Variants in CNNM2 observed in about 807,000 individuals in gnomAD.
CNNM2 encodes cyclin and CBS domain divalent metal cation transport mediator 2, also known as metal transporter CNNM2.
CNNM2 carries 12 observed loss-of-function variants against 66.9 expected under a neutral mutation model. The ratio of observed to expected loss-of-function variants is 0.18; its 90% CI spans 0.11 to 0.29. The LOEUF (loss-of-function observed/expected upper bound fraction) is 0.29, where lower values mean the gene tolerates loss of function less well. CNNM2 is among the 10% of genes least tolerant of loss of function. CNNM2 has a pLI of 1.00. For missense variants in CNNM2, 705 were observed against 1,167.7 expected (o/e 0.60, Z 5.77); for synonymous variants, 557 against 501.8 (o/e 1.11, Z -1.47).
intron 1 of CNNM2, among the ~76,000 whole-genome samples, chr10:103,034,430 C>G (rs2064891100): frequency 6.6e-6 from 1 of 152,008 alleles, no homozygotes; most frequent in Non-Finnish European, 1.5e-5. Context: ...GTGACTGCAG[C>G]AAATGTACGG....
chr10:102,927,185 A>G (rs1455234622), intron 1 of CNNM2, among the ~76,000 whole-genome samples: 1 of 152,192 alleles, frequency 6.6e-6, no homozygotes, highest in Non-Finnish European at 1.5e-5. Flanking sequence ...ATATATATAT[A>G]TGTGTGTATG....
intron 1 of CNNM2, among the ~76,000 whole-genome samples, chr10:102,989,635 T>TAAAA: frequency 6.6e-6 from 1 of 151,854 alleles, no homozygotes; most frequent in Non-Finnish European, 1.5e-5. Context: ...AAACCCGATC[T>TAAAA]CTACTAAAAA....
intron 5 of CNNM2, among the ~76,000 whole-genome samples, chr10:103,069,359 G>C (rs1319600665): frequency 6.6e-6 from 1 of 152,116 alleles, no homozygotes; most frequent in East Asian, 1.9e-4. Context: ...CGTGTCAGAG[G>C]GTGTGCCTCT....
At chr10:102,958,080 G>A (rs1332664741) in intron 1 of CNNM2, among the ~76,000 whole-genome samples, 1 of 152,138 alleles carries the variant, frequency 6.6e-6, no homozygotes, top group East Asian at 1.9e-4. Context: ...GGGATTACAG[G>A]CATGTGCCAC....
At chr10:103,060,853 A>G (rs533011496) in intron 4 of CNNM2, among the ~76,000 whole-genome samples, 2 of 152,308 alleles carry the variant, frequency 1.3e-5, no homozygotes, top group East Asian at 3.9e-4. Flanking sequence ...GTACTATTTA[A>G]TTTAAAAATA....
Position 103,077,509 on chromosome 10 carries a change from A to C in CNNM2, c.*329A>C, listed in dbSNP as rs1034128212. 3 of 290,108 alleles carry C rather than the reference A, an allele frequency of 1.0e-5. No individual in the cohort carries two copies. The highest frequency in any genetic ancestry group is 1.9e-5 in the Non-Finnish European group (3 of 154,094). 18.0% of individuals were successfully genotyped at this position (290,108 alleles called of 1,614,324 possible). A position where few individuals can be genotyped will look rare whatever the true frequency, so the allele number is the denominator to read the frequency against. On this transcript the variant is annotated 3_prime_UTR_variant, in exon 8 of 8. Coordinates refer to ENST00000369878, the MANE Select transcript of CNNM2 (RefSeq NM_017649.5). ...TGCCCTCGATTTGCATGAAGTTGAA[A>C]ATTGTTGCGATTTATTTTTTCAAGA...
At chr10:102,952,083 G>T (rs1027260144) in intron 1 of CNNM2, among the ~76,000 whole-genome samples, 16 of 151,836 alleles carry the variant, frequency 1.1e-4, no homozygotes, top group African/African-American at 3.6e-4. Context: ...GATCACAGGC[G>T]TGAGCCACCA....
At chr10:103,068,155 C>G (rs751108928) in intron 4 of CNNM2, among the ~76,000 whole-genome samples, 5 of 152,128 alleles carry the variant, frequency 3.3e-5, no homozygotes, top group Non-Finnish European at 7.4e-5. Context: ...TGGAGGCCTC[C>G]TGAAGAATCC....
chr10:103,035,676 T>G (rs2064923828), intron 1 of CNNM2, among the ~76,000 whole-genome samples: 2 of 152,202 alleles, frequency 1.3e-5, no homozygotes, highest in Admixed American at 1.3e-4. Flanking sequence ...CTAAAGTATC[T>G]GGCAGCAAGA....
At chr10:102,943,908 C>G (rs1356021161) in intron 1 of CNNM2, among the ~76,000 whole-genome samples, 1 of 152,070 alleles carries the variant, frequency 6.6e-6, no homozygotes, top group Non-Finnish European at 1.5e-5. Context: ...CCTTTAATAC[C>G]TAGTTACAAT....
At chr10:103,022,876 A>G (rs184863557) in intron 1 of CNNM2, among the ~76,000 whole-genome samples, 53 of 152,132 alleles carry the variant, frequency 3.5e-4, no homozygotes, top group African/African-American at 1.1e-3. Flanking sequence ...CAAGAGAGAG[A>G]GCAAGAGAAA....
intron 1 of CNNM2, among the ~76,000 whole-genome samples, chr10:102,965,382 C>T (rs1457492708): frequency 6.6e-6 from 1 of 152,086 alleles, no homozygotes; most frequent in African/African-American, 2.4e-5. Context: ...TTGATATAGA[C>T]GGGGGATTAT....
At chr10:103,058,570 C>A (rs930675040) in intron 4 of CNNM2, among the ~76,000 whole-genome samples, 2 of 152,212 alleles carry the variant, frequency 1.3e-5, no homozygotes, top group Admixed American at 6.5e-5. Context: ...TTCATAATCT[C>A]TGTCCATTTA....
chr10:102,959,718 A>G (rs1847175079), intron 1 of CNNM2, among the ~76,000 whole-genome samples: 1 of 152,182 alleles, frequency 6.6e-6, no homozygotes, highest in African/African-American at 2.4e-5. Context: ...CTAGGATTAC[A>G]GGCATGCGCC....
chr10:102,980,033 C>T (rs935552865), intron 1 of CNNM2, among the ~76,000 whole-genome samples: 1 of 152,040 alleles, frequency 6.6e-6, no homozygotes, highest in Non-Finnish European at 1.5e-5. Flanking sequence ...CCTGCCTCAA[C>T]CTCCCAAGTA....
At chr10:103,068,010 T>C (rs2065510234) in intron 4 of CNNM2, among the ~76,000 whole-genome samples, 1 of 152,224 alleles carries the variant, frequency 6.6e-6, no homozygotes, top group Admixed American at 6.5e-5. Flanking sequence ...CTCTGTTCCA[T>C]GGCCACAAAC....
Position 103,057,140 on chromosome 10 carries a change from A to G in CNNM2, c.2073+176A>G, listed in dbSNP as rs974064230. 4.6e-5 allele frequency among the ~76,000 whole-genome samples: 7 copies of G among 152,218 alleles called. No individual in the cohort carries two copies. In the East Asian group the frequency reaches 1.3e-3, roughly 29 times the overall value. ...CTGTAAAGTAATTCTAATATAAAGCAATGCCAATAGTTACTTTAATTTTCA... is the reference window on the plus strand; with the variant it reads ...CTGTAAAGTAATTCTAATATAAAGCGATGCCAATAGTTACTTTAATTTTCA... On this transcript the variant is annotated intron_variant, in intron 4 of 7. Coordinates refer to ENST00000369878, the MANE Select transcript of CNNM2 (RefSeq NM_017649.5).
intron 1 of CNNM2, among the ~76,000 whole-genome samples, chr10:102,989,288 T>G (rs1232813265): frequency 6.6e-6 from 1 of 152,226 alleles, no homozygotes; most frequent in Non-Finnish European, 1.5e-5. Context: ...TTTTGAGACT[T>G]AACTAGTCAA....
chr10:102,987,488 T>C (rs2063819025), intron 1 of CNNM2, among the ~76,000 whole-genome samples: 1 of 151,864 alleles, frequency 6.6e-6, no homozygotes, highest in East Asian at 1.9e-4. Context: ...GCCTGGCTAA[T>C]TTTTTTGTAT....
Sources: allele counts gnomAD v4.1 joint callset (sites outside exome capture counted in the v4.1 genomes callset), GRCh38; gene constraint gnomAD v4.1.1; transcripts MANE v1.5; gene names NCBI Gene and HGNC (gene_info 2026-07-23, HGNC 2026-07-21).